The following SFMBT2 variants were observed in gnomAD, a reference collection of about 807,000 sequenced individuals.
SFMBT2 encodes the protein Scm like with four mbt domains 2.
Under a neutral mutation model 110.1 loss-of-function variants are expected in SFMBT2, and 38 were observed. The ratio of observed to expected loss-of-function variants is 0.35; its 90% CI spans 0.27 to 0.45. The LOEUF (loss-of-function observed/expected upper bound fraction) is 0.45, where lower values mean the gene tolerates loss of function less well. Among genes scored for constraint, SFMBT2 ranks in the 20% least tolerant of loss-of-function variants. The pLI is 1.00. For missense variants in SFMBT2, 1,011 were observed against 1,094.9 expected, an observed-to-expected ratio of 0.92 and a Z score of 1.08; for synonymous variants, 425 against 425.4, an observed-to-expected ratio of 1.00 and a Z score of 0.01.
rs796755425 is a variant in SFMBT2, at chr10:7,408,723, T to C, written c.-52+2138A>G. On this transcript the variant is annotated intron_variant, in intron 1 of 20. Coordinates refer to ENST00000397167, the MANE Select transcript of SFMBT2 (RefSeq NM_001387889.1). This position sits in a 1 kb window ranked among gnomAD's most constrained non-coding sequence, Gnocchi z 5.7. ...GCTAAGCTGCGTTCCCGCATTCCGG[T>C]GGCTCTCACCCGAGCTCGCGTTTGC... 7.2e-5 allele frequency: 11 copies of C among 152,526 alleles called. No individual in the cohort carries two copies. The highest frequency in any genetic ancestry group is 2.6e-4 in the African/African-American group (11 of 41,596). 9.4% of individuals were successfully genotyped at this position (152,526 alleles called of 1,614,324 possible). A position where few individuals can be genotyped will look rare whatever the true frequency, so the allele number is the denominator to read the frequency against.
rs1001311534 is a variant in SFMBT2, at chr10:7,395,436, G to C, written c.-51-13487C>G. On this transcript the variant is annotated intron_variant, in intron 1 of 20. Coordinates refer to ENST00000397167, the MANE Select transcript of SFMBT2 (RefSeq NM_001387889.1). ...CTGAAATCTCACAATAATGTGCCTG[G>C]TGGCACCCTAGTGGTGAGTGACTTC... is the stretch of plus-strand genomic sequence containing the variant. Among the ~76,000 whole-genome samples the C allele has an allele frequency of 9.2e-5, 14 of 152,262 alleles. 1 individual carries two copies.
intron 4 of SFMBT2, among the ~76,000 whole-genome samples, chr10:7,361,434 AT>A (rs1171277103): frequency 1.3e-5 from 2 of 152,204 alleles, no homozygotes; most frequent in African/African-American, 4.8e-5. Context: ...ACCTGCCAGC[AT>A]CTTGTCCTCT....
intron 7 of SFMBT2, among the ~76,000 whole-genome samples, chr10:7,265,612 A>C (rs1031933346): frequency 3.3e-5 from 5 of 152,150 alleles, no homozygotes; most frequent in African/African-American, 1.2e-4. Context: ...GAGCTGGGGT[A>C]TTTTTAGTTG....
intron 10 of SFMBT2, among the ~76,000 whole-genome samples, chr10:7,223,423 C>T (rs763070997): frequency 1.3e-5 from 2 of 152,064 alleles, no homozygotes; most frequent in Non-Finnish European, 2.9e-5. Context: ...CATACATCTT[C>T]TTTGATGAAA....
chr10:7,351,112 A>G (rs1347166424), intron 4 of SFMBT2, among the ~76,000 whole-genome samples: 1 of 152,208 alleles, frequency 6.6e-6, no homozygotes, highest in Non-Finnish European at 1.5e-5. Flanking sequence ...TCTGCTTCCA[A>G]CATGTGCTGG....
intron 1 of SFMBT2, among the ~76,000 whole-genome samples, chr10:7,387,794 AC>A (rs1438995943): frequency 8.9e-5 from 13 of 145,826 alleles, no homozygotes; most frequent in African/African-American, 2.9e-4. Flanking sequence ...AAAAAAAAAA[AC>A]CAATTAGCTG....
At chr10:7,409,084 C>A (rs999595618) in intron 1 of SFMBT2, among the ~76,000 whole-genome samples, 38 of 145,204 alleles carry the variant, frequency 2.6e-4, no homozygotes, top group African/African-American at 9.4e-4. Flanking sequence ...CGCCCTTCTG[C>A]CCCACCCCAC....
intron 4 of SFMBT2, among the ~76,000 whole-genome samples, chr10:7,303,600 T>C (rs1468989418): frequency 6.6e-6 from 1 of 152,190 alleles, no homozygotes; most frequent in Non-Finnish European, 1.5e-5. Context: ...AGTTCACTTA[T>C]CCAATAACCA....
intron 4 of SFMBT2, among the ~76,000 whole-genome samples, chr10:7,332,103 G>C (rs1279645195): frequency 2.0e-5 from 3 of 152,026 alleles, no homozygotes; most frequent in African/African-American, 7.2e-5. Context: ...CATCTGCGGA[G>C]TGATGGTCAC....
intron 7 of SFMBT2, among the ~76,000 whole-genome samples, chr10:7,254,027 T>C (rs995330265): frequency 1.3e-5 from 2 of 152,214 alleles, no homozygotes; most frequent in Non-Finnish European, 2.9e-5. Flanking sequence ...GACAATATTT[T>C]CTGACGGGGT....
intron 11 of SFMBT2, chr10:7,215,866 A>T (rs1340714261): frequency 6.2e-6 from 2 of 324,790 alleles, no homozygotes; most frequent in Non-Finnish European, 8.9e-6. Flanking sequence ...CCCCCATGGG[A>T]TTGTCTGTTC....
chr10:7,319,079 C>T (rs1161769392), intron 4 of SFMBT2, among the ~76,000 whole-genome samples: 4 of 152,150 alleles, frequency 2.6e-5, no homozygotes, highest in Non-Finnish European at 5.9e-5. Context: ...GCAGAGTTTC[C>T]GTGGGTGGAT....
chr10:7,226,712 A>G (rs576972848), intron 10 of SFMBT2, among the ~76,000 whole-genome samples: 1 of 152,358 alleles, frequency 6.6e-6, no homozygotes, highest in Non-Finnish European at 1.5e-5. Context: ...ATTATTGATA[A>G]TTTTGTAAAC....
rs767268236 is a variant in SFMBT2 at position 7,355,989 on chromosome 10, A to T, written c.436+11660T>A. On this transcript the variant is annotated intron_variant, in intron 4 of 20. Transcript: ENST00000397167. ...AAAGAAGTAATTTGACCATTAATTTATCTCTTACTCTGACAGTGGCAACAC... is the reference window on the plus strand; with the variant it reads ...AAAGAAGTAATTTGACCATTAATTTTTCTCTTACTCTGACAGTGGCAACAC... Among the ~76,000 whole-genome samples the T allele has an allele frequency of 2.0e-5, 3 of 152,248 alleles. No individual in the cohort carries two copies. In the East Asian group the frequency reaches 5.8e-4, roughly 29 times the overall value.
intron 4 of SFMBT2, among the ~76,000 whole-genome samples, chr10:7,366,046 G>A (rs12217879): frequency 0.058 from 8,815 of 152,184 alleles, 486 homozygotes; most frequent in East Asian, 0.3. Flanking sequence ...CAGCCACGTG[G>A]TGCAGATAGG....
At chr10:7,332,815 A>T (rs1312902951) in intron 4 of SFMBT2, among the ~76,000 whole-genome samples, 1 of 152,246 alleles carries the variant, frequency 6.6e-6, no homozygotes, top group Non-Finnish European at 1.5e-5. Context: ...TAACAAAGGA[A>T]CTCAGAATAG....
chr10:7,278,827 A>T (rs932735028), intron 6 of SFMBT2, among the ~76,000 whole-genome samples: 3 of 151,996 alleles, frequency 2.0e-5, no homozygotes, highest in Non-Finnish European at 2.9e-5. Flanking sequence ...GTCAAAAAAC[A>T]CCTTCATTGG....
At chr10:7,259,359 G>C (rs538102301) in intron 7 of SFMBT2, among the ~76,000 whole-genome samples, 1 of 152,352 alleles carries the variant, frequency 6.6e-6, no homozygotes, top group South Asian at 2.1e-4. Flanking sequence ...AGTCTCCAGA[G>C]CCTTCCTCAC....
intron 4 of SFMBT2, among the ~76,000 whole-genome samples, chr10:7,330,442 A>C (rs977740443): frequency 3.3e-5 from 5 of 152,144 alleles, no homozygotes; most frequent in African/African-American, 1.2e-4. Flanking sequence ...AAGCATGTGA[A>C]TTGAGTAAAC....
Sources: allele counts gnomAD v4.1 joint callset (sites outside exome capture counted in the v4.1 genomes callset), GRCh38; gene constraint gnomAD v4.1.1; non-coding constraint Gnocchi (gnomAD v3.1); transcripts MANE v1.5; gene names NCBI Gene and HGNC (gene_info 2026-07-23, HGNC 2026-07-21).